SCIN: variants seen among roughly 807,000 people sequenced by gnomAD.
SCIN encodes the protein adseverin.
Under a neutral mutation model 91.8 loss-of-function variants are expected in SCIN, and 91 were observed. The ratio of observed to expected loss-of-function variants is 0.99; its 90% CI spans 0.84 to 1.18. The LOEUF (loss-of-function observed/expected upper bound fraction) is 1.18, where lower values mean the gene tolerates loss of function less well. Ranked by LOEUF, SCIN falls within the 50% of genes most tolerant of loss-of-function variation. The pLI is 0.00. For synonymous variants in SCIN, 367 were observed against 312.6 expected (o/e 1.17, Z -1.84); for missense variants, 1,087 against 863.9 (o/e 1.26, Z -3.24).
chr7:12,596,194 C>T, intron 3 of SCIN: 1 of 353,668 alleles, frequency 2.8e-6, no homozygotes, highest in South Asian at 2.3e-5. Context: ...CCCTCCTTAC[C>T]CTTGGGAGGT....
chr7:12,649,316 AT>A, intron 13 of SCIN, 150 bp from the exon 14 acceptor site: 1 of 489,380 alleles, frequency 2.0e-6, no homozygotes, highest in South Asian at 4.1e-5. Context: ...ATGAACAATT[AT>A]TTAAATTTTT....
At chr7:12,645,032 A>G (rs867793578) in intron 13 of SCIN, among the ~76,000 whole-genome samples, 1 of 128,354 alleles carries the variant, frequency 7.8e-6, no homozygotes, top group Non-Finnish European at 1.7e-5. Flanking sequence ...AAAAAAAAAA[A>G]AAAAGGGCCG....
intron 3 of SCIN, among the ~76,000 whole-genome samples, chr7:12,595,054 T>A (rs1318343411): frequency 1.3e-5 from 2 of 151,350 alleles, no homozygotes; most frequent in Admixed American, 1.3e-4. Context: ...AGAGAGAGAA[T>A]CCTCTAAGGA....
intron 3 of SCIN, among the ~76,000 whole-genome samples, chr7:12,603,948 G>T (rs1271311698): frequency 1.3e-5 from 2 of 151,976 alleles, no homozygotes; most frequent in Admixed American, 6.6e-5. Flanking sequence ...TAAAGTAAAT[G>T]CCAGATAGTG....
At position 12,657,790 on chromosome 7, in the gene SCIN, T is replaced by A. The variant is rs558687520; in HGVS notation, c.*5075T>A. 1 of 151,480 alleles carries A rather than the reference T, an allele frequency of 6.6e-6. No homozygotes were observed. Among genetic ancestry groups the A allele is most frequent in the African/African-American group, 2.4e-5 (1 of 41,432 alleles). The allele number at this position is 151,480 out of a possible 1,614,324, so 9.4% of individuals were successfully genotyped here. On this transcript the variant is annotated 3_prime_UTR_variant, in exon 16 of 16. Transcript: ENST00000297029. Reference sequence around the variant, plus strand: ...TCCCTTATTAAGATGTTATTTCTAGTTTATAATTGACTATGGCATTTGCAT... The same window carrying A: ...TCCCTTATTAAGATGTTATTTCTAGATTATAATTGACTATGGCATTTGCAT...
chr7:12,594,617 C>T (rs570002777), intron 3 of SCIN, among the ~76,000 whole-genome samples: 3 of 152,138 alleles, frequency 2.0e-5, no homozygotes, highest in Admixed American at 1.3e-4. Context: ...GAGAGCCTTG[C>T]GATTGCGGAG....
At chr7:12,644,344 C>A (rs763088284) in intron 12 of SCIN, 29 bp downstream of exon 12, 2 of 1,556,656 alleles carry the variant, frequency 1.3e-6, no homozygotes, top group Non-Finnish European at 1.7e-6. Flanking sequence ...AGGGCACTAA[C>A]TAGAATTTAT....
chr7:12,626,590 G>A lies in SCIN; in HGVS notation c.988G>A (p.Val330Ile), dbSNP rs532577321. Residue 330 changes from valine to isoleucine, a missense_variant, in exon 8 of 16, where the codon GTT (valine) becomes ATT (isoleucine). Val to Ile is a conservative substitution (Grantham distance 29). Transcript: ENST00000297029. ...TTATTATTTTAAATTTCAGATTCAA[G>A]TTCTTCCAGAAGGAGGTGAAACACC... ...MNYSKNTQIQ[V>I]LPEGGETPIF... 14 of 1,541,348 alleles carry A rather than the reference G, an allele frequency of 9.1e-6. No individual in the cohort carries two copies. Among genetic ancestry groups the A allele is most frequent in the African/African-American group, 4.1e-5 (3 of 72,708 alleles).
At chr7:12,587,893 A>G (rs1221591081) in intron 3 of SCIN, among the ~76,000 whole-genome samples, 1 of 152,010 alleles carries the variant, frequency 6.6e-6, no homozygotes, top group Non-Finnish European at 1.5e-5. Flanking sequence ...TGCAAGATAC[A>G]CTCCAGCCCC....
rs145302461 is a variant in SCIN, at chr7:12,604,039, T to C, written c.517-475T>C. On this transcript the variant is annotated intron_variant, in intron 3 of 15. Coordinates refer to ENST00000297029, the MANE Select transcript of SCIN (RefSeq NM_001112706.3). ...GCTTTACATATATTAATTATCTTGA[T>C]TCAGCCATTCCACAATGTATACATA... Among the ~76,000 whole-genome samples the C allele has an allele frequency of 5.1e-3, 783 of 152,188 alleles. 11 individuals carry two copies. Among genetic ancestry groups the C allele is most frequent in the African/African-American group, 0.018 (736 of 41,508 alleles).
intron 3 of SCIN, among the ~76,000 whole-genome samples, chr7:12,598,064 GT>G (rs1031841070): frequency 6.6e-6 from 1 of 152,152 alleles, no homozygotes; most frequent in Admixed American, 6.5e-5. Flanking sequence ...CCCTGAAACT[GT>G]TTGCTTTACA....
chr7:12,590,779 C>T (rs1358428871), intron 3 of SCIN, among the ~76,000 whole-genome samples: 1 of 151,678 alleles, frequency 6.6e-6, no homozygotes, highest in Non-Finnish European at 1.5e-5. Context: ...AGGTGTGTGG[C>T]CTGAAGGAGT....
chr7:12,644,041 C>A, intron 11 of SCIN, 97 bp from the exon 12 acceptor site: 2 of 1,082,548 alleles, frequency 1.8e-6, no homozygotes, highest in Non-Finnish European at 1.3e-6. Context: ...GGGCAGAAGG[C>A]GATGTATGGT....
chr7:12,626,235 C>T (rs1015702628), intron 7 of SCIN: 1 of 316,040 alleles, frequency 3.2e-6, no homozygotes, highest in African/African-American at 2.2e-5. Flanking sequence ...TTACTCCTTT[C>T]CTTTCCGAAT....
chr7:12,580,267 A>G (rs1562594545), intron 2 of SCIN, among the ~76,000 whole-genome samples: 1 of 152,042 alleles, frequency 6.6e-6, no homozygotes, highest in Non-Finnish European at 1.5e-5. Flanking sequence ...AGAAATAAAG[A>G]TATGGTTCAT....
intron 3 of SCIN, among the ~76,000 whole-genome samples, chr7:12,594,220 C>CGGTGGAGGATCATGATGCTCT (rs1395167331): frequency 6.6e-6 from 1 of 151,668 alleles, no homozygotes; most frequent in Admixed American, 6.6e-5. Flanking sequence ...CAGGGACATA[C>CGGTGGAGGATCATGATGCTCT]GGTGGAGGAT....
At chr7:12,585,307 C>T (rs1339960148) in intron 3 of SCIN, among the ~76,000 whole-genome samples, 2 of 152,176 alleles carry the variant, frequency 1.3e-5, no homozygotes, top group Non-Finnish European at 2.9e-5. Flanking sequence ...CAGCCTCACT[C>T]CTCCCCTGGC....
At chr7:12,627,089 T>TACACAC (rs1491537492) in intron 8 of SCIN, among the ~76,000 whole-genome samples, 2 of 105,704 alleles carry the variant, frequency 1.9e-5, no homozygotes, top group African/African-American at 7.1e-5. Context: ...GAAATGTGTG[T>TACACAC]ATACACACAC....
Position 12,626,811 on chromosome 7 carries a change from T to C in SCIN, c.1197+12T>C, listed in dbSNP as rs570757750. On this transcript the variant is annotated intron_variant, in intron 8 of 15. Transcript: ENST00000297029. ...CTGGCAAAGTGGAGGTATTTACCTG[T>C]TTTTGTTTTTATCAAGCCCATTAAT... 6.3e-7 allele frequency: 1 copy of C among 1,592,016 alleles called. No individual in the cohort carries two copies. The highest frequency in any genetic ancestry group is 1.1e-5 in the South Asian group (1 of 87,438).
Sources: gnomAD v4.1 joint callset for allele counts (sites outside exome capture counted in the v4.1 genomes callset) on GRCh38, gnomAD v4.1.1 for gene constraint, MANE v1.5 for transcripts, NCBI Gene and HGNC (gene_info 2026-07-23, HGNC 2026-07-21) for gene names.